The following SPATA16 variants were observed in gnomAD, a reference collection of about 807,000 sequenced individuals.
SPATA16 encodes spermatogenesis associated 16, also known as spermatogenesis-associated protein 16.
Under a neutral mutation model 63.3 loss-of-function variants are expected in SPATA16, and 36 were observed. The observed-to-expected ratio is 0.57, with a 90% CI of 0.44 to 0.75. SPATA16 has a LOEUF of 0.75. SPATA16 is among the 30% of genes least tolerant of loss of function. The pLI is 0.00. For missense variants in SPATA16, 646 were observed against 679.3 expected (o/e 0.95, Z 0.54); for synonymous variants, 203 against 216.7 (o/e 0.94, Z 0.56).
At chr3:172,902,309 T>TG (rs1177288248) in intron 10 of SPATA16, among the ~76,000 whole-genome samples, 3 of 152,194 alleles carry the variant, frequency 2.0e-5, no homozygotes, top group African/African-American at 7.2e-5. Flanking sequence ...CCCAAAGTGC[T>TG]GGGATAACAG....
chr3:173,006,887 G>C (rs1050617147), intron 4 of SPATA16, among the ~76,000 whole-genome samples: 3 of 151,626 alleles, frequency 2.0e-5, no homozygotes, highest in Non-Finnish European at 4.4e-5. Context: ...GGCAAAAATG[G>C]AACAAGGTAT....
intron 3 of SPATA16, among the ~76,000 whole-genome samples, chr3:173,028,456 T>C (rs1274931330): frequency 1.3e-5 from 2 of 151,944 alleles, no homozygotes; most frequent in Non-Finnish European, 2.9e-5. Context: ...GTGGACCTTA[T>C]TTTCATTAGT....
At chr3:172,918,446 G>A (rs1732545586) in intron 8 of SPATA16, among the ~76,000 whole-genome samples, 1 of 151,950 alleles carries the variant, frequency 6.6e-6, no homozygotes, top group East Asian at 1.9e-4. Flanking sequence ...AAGATAACAG[G>A]GAAAGAATAC....
chr3:173,133,301 G>T (rs1169249595), intron 1 of SPATA16, among the ~76,000 whole-genome samples: 2 of 152,180 alleles, frequency 1.3e-5, no homozygotes, highest in Non-Finnish European at 2.9e-5. Flanking sequence ...GAAAGGGGAA[G>T]AAGGGACATT....
At chr3:172,995,409 C>G (rs1734673528) in intron 4 of SPATA16, among the ~76,000 whole-genome samples, 1 of 152,006 alleles carries the variant, frequency 6.6e-6, no homozygotes, top group African/African-American at 2.4e-5. Context: ...TCCTGATCTT[C>G]TAGCTTCAAT....
chr3:173,056,492 C>G (rs1736226235), intron 2 of SPATA16, among the ~76,000 whole-genome samples: 1 of 151,932 alleles, frequency 6.6e-6, no homozygotes, highest in Non-Finnish European at 1.5e-5. Flanking sequence ...CGCCTGAGGT[C>G]AGGAATTCAA....
At chr3:173,015,467 C>A (rs1054407029) in intron 4 of SPATA16, among the ~76,000 whole-genome samples, 21 of 152,278 alleles carry the variant, frequency 1.4e-4, no homozygotes, top group African/African-American at 4.8e-4. Context: ...TAAATAAAGA[C>A]CCTGTGCAAT....
At position 172,918,414 on chromosome 3, in the gene SPATA16, A is replaced by G. The variant is rs1732544695; in HGVS notation, c.1339-1933T>C. On this transcript the variant is annotated intron_variant, in intron 8 of 10. Transcript: ENST00000351008. ...GCCTGATTGTTGGATGCATAACAAA[A>G]CAGGAAGTGCTCTATTTGAATAAGA... Among the ~76,000 whole-genome samples the G allele has an allele frequency of 2.0e-5, 3 of 152,286 alleles. No homozygotes were observed. The South Asian group carries it at 6.2e-4, about 32-fold the overall frequency.
At chr3:173,078,273 C>G (rs1736850229) in intron 2 of SPATA16, among the ~76,000 whole-genome samples, 2 of 152,072 alleles carry the variant, frequency 1.3e-5, no homozygotes, top group South Asian at 4.1e-4. Flanking sequence ...TTCTTAAATA[C>G]TGTAGTATTT....
At chr3:173,132,944 A>G (rs115420301) in intron 1 of SPATA16, among the ~76,000 whole-genome samples, 1,627 of 152,258 alleles carry the variant, frequency 0.011, 25 homozygotes, top group African/African-American at 0.037. Context: ...CTCACAGGAA[A>G]CAATTACTAC....
intron 1 of SPATA16, among the ~76,000 whole-genome samples, chr3:173,139,185 A>G (rs1444602886): frequency 6.6e-6 from 1 of 152,240 alleles, no homozygotes; most frequent in Non-Finnish European, 1.5e-5. Context: ...TTCTATCATT[A>G]TCATCATTTT....
chr3:173,001,517 T>C (rs1033666347), intron 4 of SPATA16, among the ~76,000 whole-genome samples: 7 of 152,164 alleles, frequency 4.6e-5, no homozygotes, highest in Non-Finnish European at 1.5e-5. Flanking sequence ...CGTAAGGACC[T>C]GGTATAGCTC....
intron 5 of SPATA16, among the ~76,000 whole-genome samples, chr3:172,964,842 C>G (rs745793985): frequency 6.6e-6 from 1 of 152,052 alleles, no homozygotes; most frequent in Non-Finnish European, 1.5e-5. Context: ...ATCTTTTGGG[C>G]TATTATTTGA....
At chr3:172,959,276 A>G (rs1331655357) in intron 5 of SPATA16, among the ~76,000 whole-genome samples, 4 of 152,172 alleles carry the variant, frequency 2.6e-5, no homozygotes, top group Non-Finnish European at 5.9e-5. Context: ...CTCGTGCCCA[A>G]GAACCTACAC....
intron 6 of SPATA16, among the ~76,000 whole-genome samples, chr3:172,946,322 A>G (rs888928936): frequency 9.9e-5 from 15 of 152,222 alleles, no homozygotes; most frequent in African/African-American, 2.9e-4. Context: ...CCTTTAGGAA[A>G]GGAGAGAAAA....
intron 2 of SPATA16, among the ~76,000 whole-genome samples, chr3:173,071,870 A>G (rs1736682691): frequency 2.0e-5 from 3 of 152,380 alleles, no homozygotes; most frequent in African/African-American, 4.8e-5. Context: ...ATGAAATGCC[A>G]TCTCACACTA....
intron 6 of SPATA16, among the ~76,000 whole-genome samples, chr3:172,930,926 G>A (rs1430516430): frequency 1.3e-5 from 2 of 151,450 alleles, no homozygotes; most frequent in Admixed American, 6.6e-5. Flanking sequence ...ACCTTCTGGC[G>A]ATTCTCCTGC....
intron 6 of SPATA16, among the ~76,000 whole-genome samples, chr3:172,925,900 A>G (rs886422049): frequency 5.9e-5 from 9 of 152,020 alleles, no homozygotes; most frequent in African/African-American, 1.9e-4. Flanking sequence ...ATTTTGGCTC[A>G]CTGCAACCTC....
intron 6 of SPATA16, among the ~76,000 whole-genome samples, chr3:172,935,543 G>T (rs9813906): frequency 0.021 from 3,152 of 152,168 alleles, 109 homozygotes; most frequent in African/African-American, 0.073. Context: ...CTTCTTGCAA[G>T]AATTTACAAA....
Sources: allele counts gnomAD v4.1 joint callset (sites outside exome capture counted in the v4.1 genomes callset), GRCh38; gene constraint gnomAD v4.1.1; transcripts MANE v1.5; gene names NCBI Gene and HGNC (gene_info 2026-07-23, HGNC 2026-07-21).